DNER: variants seen among roughly 807,000 people sequenced by gnomAD.
DNER encodes the protein delta and Notch-like epidermal growth factor-related receptor.
In DNER, 33 loss-of-function variants were observed where a neutral mutation model predicts 78.2. The observed-to-expected ratio is 0.42, with a 90% confidence interval of 0.32 to 0.56. DNER has a LOEUF of 0.56. Ranked by LOEUF, DNER falls within the 20% of genes least tolerant of loss-of-function variation. DNER has a pLI of 0.11. For synonymous variants in DNER, 417 were observed against 384.8 expected (o/e 1.08, Z -0.98); for missense variants, 918 against 975.3 (o/e 0.94, Z 0.78).
At chr2:229,664,033 A>G (rs896089026) in intron 1 of DNER, among the ~76,000 whole-genome samples, 17 of 152,192 alleles carry the variant, frequency 1.1e-4, no homozygotes, top group African/African-American at 3.6e-4. Flanking sequence ...AACCTGGTCC[A>G]ATATGATAAT....
intron 6 of DNER, among the ~76,000 whole-genome samples, chr2:229,495,603 G>A (rs1695484663): frequency 6.6e-6 from 1 of 152,142 alleles, no homozygotes; most frequent in East Asian, 1.9e-4. Flanking sequence ...TTCTACTCAG[G>A]TCCTCAACCT....
intron 7 of DNER, among the ~76,000 whole-genome samples, chr2:229,461,092 CTG>C (rs1164727891): frequency 6.6e-6 from 1 of 152,092 alleles, no homozygotes; most frequent in African/African-American, 2.4e-5. Context: ...TTTGGGTCAT[CTG>C]TGGCTGAGAC....
rs569187373 is a variant in DNER at position 229,534,206 on chromosome 2, T to C, written c.993+12741A>G. On this transcript the variant is annotated intron_variant, in intron 5 of 12. Coordinates refer to ENST00000341772, the MANE Select transcript of DNER (RefSeq NM_139072.4). ...AATAGATTGTAACGTAACAGACCAA[T>C]AGATTGTAATGTAACAGACCAATAG... 2.6e-5 allele frequency among the ~76,000 whole-genome samples: 4 copies of C among 151,300 alleles called. No homozygotes were observed. In the South Asian group the frequency reaches 8.3e-4, roughly 31 times the overall value.
chr2:229,438,011 A>G (rs934325205), intron 8 of DNER, among the ~76,000 whole-genome samples: 2 of 152,172 alleles, frequency 1.3e-5, no homozygotes, highest in Non-Finnish European at 2.9e-5. Context: ...GAGTCACAGG[A>G]AAGGAAGTTT....
chr2:229,387,529 A>G lies in DNER; in HGVS notation c.1855+736T>C, dbSNP rs2160709. Among the ~76,000 whole-genome samples, 195 of 145,944 alleles carry G rather than the reference A, an allele frequency of 1.3e-3. 1 individual carries two copies. Among genetic ancestry groups the G allele is most frequent in the African/African-American group, 4.0e-3 (154 of 38,188 alleles). Reference sequence around the variant, plus strand: ...AAAGAGAGAAAGAAAGAAAGAAAGAAAGAAAGAAAGAAAGAAAGAAAGAAA... The same window carrying G: ...AAAGAGAGAAAGAAAGAAAGAAAGAGAGAAAGAAAGAAAGAAAGAAAGAAA... On this transcript the variant is annotated intron_variant, in intron 11 of 12. Transcript: ENST00000341772.
At chr2:229,523,609 T>A (rs1696145621) in intron 5 of DNER, among the ~76,000 whole-genome samples, 1 of 152,222 alleles carries the variant, frequency 6.6e-6, no homozygotes, top group African/African-American at 2.4e-5. Flanking sequence ...ACACTCTTAG[T>A]ACCGCAGGTT....
chr2:229,572,157 C>T (rs1425236834), intron 4 of DNER, among the ~76,000 whole-genome samples: 3 of 152,138 alleles, frequency 2.0e-5, no homozygotes, highest in Non-Finnish European at 2.9e-5. Context: ...TTACTCACAC[C>T]GTTCCCCTTT....
chr2:229,440,440 C>T (rs1694207792), intron 8 of DNER, among the ~76,000 whole-genome samples: 2 of 152,154 alleles, frequency 1.3e-5, no homozygotes, highest in South Asian at 4.1e-4. Context: ...AACCTCCCGA[C>T]CTCCCAACTC....
intron 6 of DNER, among the ~76,000 whole-genome samples, chr2:229,480,714 A>C (rs1463678034): frequency 6.6e-6 from 1 of 152,238 alleles, no homozygotes; most frequent in Non-Finnish European, 1.5e-5. Flanking sequence ...ATGGCCTAAT[A>C]TATTAATAAC....
At chr2:229,594,592 A>ACAG (rs56066661) in intron 1 of DNER, among the ~76,000 whole-genome samples, 141 of 46,514 alleles carry the variant, frequency 3.0e-3, no homozygotes, top group Middle Eastern at 0.016. Flanking sequence ...ATCTCAAAAA[A>ACAG]AAAAAACAAA....
At chr2:229,426,962 T>C (rs1406383386) in intron 8 of DNER, among the ~76,000 whole-genome samples, 2 of 152,240 alleles carry the variant, frequency 1.3e-5, no homozygotes, top group East Asian at 3.8e-4. Flanking sequence ...GCTGCTGATG[T>C]TTCTTATTTC....
chr2:229,675,393 A>G lies in DNER; in HGVS notation c.276+38755T>C, dbSNP rs145852228. Among the ~76,000 whole-genome samples, 31 of 152,244 alleles carry G rather than the reference A, an allele frequency of 2.0e-4. 1 individual carries two copies. The East Asian group carries it at 5.0e-3, about 25-fold the overall frequency. ...CAACTGCCAGGCACTGTCAGTTCTGATCCTGGGCTTGCATTTATTTTGATT... is the reference window on the plus strand; with the variant it reads ...CAACTGCCAGGCACTGTCAGTTCTGGTCCTGGGCTTGCATTTATTTTGATT... On this transcript the variant is annotated intron_variant, in intron 1 of 12. Transcript: ENST00000341772.
intron 4 of DNER, among the ~76,000 whole-genome samples, chr2:229,575,174 T>C (rs1248833487): frequency 6.6e-6 from 1 of 152,090 alleles, no homozygotes; most frequent in Non-Finnish European, 1.5e-5. Flanking sequence ...AAATAGAGTG[T>C]TGATGGGGAG....
At chr2:229,411,311 C>T (rs2106345998) in intron 9 of DNER, among the ~76,000 whole-genome samples, 1 of 152,290 alleles carries the variant, frequency 6.6e-6, no homozygotes, top group African/African-American at 2.4e-5. Flanking sequence ...AATCCCAGCA[C>T]TTTGGGAGGC....
intron 1 of DNER, among the ~76,000 whole-genome samples, chr2:229,675,137 A>G (rs1287474504): frequency 6.6e-6 from 1 of 152,136 alleles, no homozygotes; most frequent in Non-Finnish European, 1.5e-5. Flanking sequence ...GTTTGAAAAT[A>G]CTCTGAAGAA....
At chr2:229,657,642 C>T (rs1415433969) in intron 1 of DNER, among the ~76,000 whole-genome samples, 2 of 152,158 alleles carry the variant, frequency 1.3e-5, no homozygotes, top group Admixed American at 6.5e-5. Context: ...TAGTGCCATA[C>T]GATGTGACAA....
intron 5 of DNER, among the ~76,000 whole-genome samples, chr2:229,542,472 T>A (rs1182587719): frequency 6.6e-6 from 1 of 152,166 alleles, no homozygotes; most frequent in African/African-American, 2.4e-5. Flanking sequence ...ATGAGTTCCA[T>A]TACCAAATGA....
intron 5 of DNER, among the ~76,000 whole-genome samples, chr2:229,536,582 C>T (rs140555965): frequency 3.3e-5 from 5 of 152,210 alleles, no homozygotes; most frequent in African/African-American, 7.2e-5. Flanking sequence ...AAAAATAGGA[C>T]AAAGGTATAA....
At chr2:229,471,559 TAA>T (rs200565963) in intron 7 of DNER, among the ~76,000 whole-genome samples, 3,550 of 152,198 alleles carry the variant, frequency 0.023, 70 homozygotes, top group Middle Eastern at 0.048. Flanking sequence ...ATATTTGAAT[TAA>T]AGACTTTTAA....
Sources: allele counts gnomAD v4.1 joint callset (sites outside exome capture counted in the v4.1 genomes callset), GRCh38; gene constraint gnomAD v4.1.1; transcripts MANE v1.5; gene names NCBI Gene and HGNC (gene_info 2026-07-23, HGNC 2026-07-21).